The following PALM2AKAP2 variants were observed in gnomAD, a reference collection of about 807,000 sequenced individuals.
PALM2AKAP2 encodes PALM2-AKAP2 fusion protein.
A neutral mutation model predicts 71.5 loss-of-function variants in PALM2AKAP2; 37 were observed. The ratio of observed to expected loss-of-function variants is 0.52; its 90% CI spans 0.40 to 0.68. The LOEUF is 0.68. PALM2AKAP2 is among the 30% of genes least tolerant of loss of function. PALM2AKAP2 has a pLI of 0.00. For missense variants in PALM2AKAP2, 1,224 were observed against 1,191.8 expected (o/e 1.03, Z -0.40); for synonymous variants, 468 against 478.8 (o/e 0.98, Z 0.29).
chr9:109,930,767 C>A (rs73657309), intron 5 of PALM2AKAP2, among the ~76,000 whole-genome samples: 3 of 152,172 alleles, frequency 2.0e-5, no homozygotes, highest in South Asian at 4.2e-4. Flanking sequence ...ATGAGAAATG[C>A]GGAGGATTTT....
At chr9:109,819,711 G>GTA (rs1444272972) in intron 1 of PALM2AKAP2, among the ~76,000 whole-genome samples, 18 of 149,358 alleles carry the variant, frequency 1.2e-4, no homozygotes, top group East Asian at 6.0e-4. Flanking sequence ...GTGTATGTGT[G>GTA]TGTGTGTGTG....
chr9:110,100,229 T>C (rs528053683), intron 1 of PALM2AKAP2, among the ~76,000 whole-genome samples: 1 of 152,082 alleles, frequency 6.6e-6, no homozygotes, highest in African/African-American at 2.4e-5. Context: ...TGGGTATTAT[T>C]GGGCTTAGGA....
intron 3 of PALM2AKAP2, among the ~76,000 whole-genome samples, chr9:109,920,131 A>G (rs1830792856): frequency 6.6e-6 from 1 of 152,172 alleles, no homozygotes; most frequent in African/African-American, 2.4e-5. Context: ...GTGCAAGAGG[A>G]CAAGCTCAAC....
intron 1 of PALM2AKAP2, among the ~76,000 whole-genome samples, chr9:110,095,610 G>A (rs1018099626): frequency 6.6e-6 from 1 of 152,102 alleles, no homozygotes; most frequent in Admixed American, 6.5e-5. Flanking sequence ...CATAAGAATT[G>A]CCTTTTTGTT....
chr9:109,741,078 A>T (rs1159632086), intron 1 of PALM2AKAP2, among the ~76,000 whole-genome samples: 3 of 152,212 alleles, frequency 2.0e-5, no homozygotes. Flanking sequence ...CTATCATGCA[A>T]ACCTAGACAT....
At chr9:109,963,637 T>C (rs1831890609) in intron 6 of PALM2AKAP2, among the ~76,000 whole-genome samples, 1 of 152,174 alleles carries the variant, frequency 6.6e-6, no homozygotes, top group Non-Finnish European at 1.5e-5. Flanking sequence ...CTAGTCACAC[T>C]CTTTTCTAAG....
At chr9:109,978,735 G>A (rs1832213266) in intron 6 of PALM2AKAP2, among the ~76,000 whole-genome samples, 2 of 152,140 alleles carry the variant, frequency 1.3e-5, no homozygotes, top group African/African-American at 2.4e-5. Context: ...TTATGTCATT[G>A]CCTTTGATTT....
intron 1 of PALM2AKAP2, among the ~76,000 whole-genome samples, chr9:109,694,251 T>C (rs1304725911): frequency 6.6e-6 from 1 of 152,040 alleles, no homozygotes; most frequent in Non-Finnish European, 1.5e-5. Context: ...CCCTCTTTGG[T>C]TAGAATAAAA....
intron 1 of PALM2AKAP2, among the ~76,000 whole-genome samples, chr9:110,062,878 G>A (rs1161331738): frequency 6.6e-6 from 1 of 152,148 alleles, no homozygotes; most frequent in Non-Finnish European, 1.5e-5. Flanking sequence ...TAAATAAGAT[G>A]GCTACAAGAT....
intron 1 of PALM2AKAP2, among the ~76,000 whole-genome samples, chr9:109,773,561 C>T (rs12347229): frequency 0.2 from 31,088 of 152,108 alleles, 5,482 homozygotes; most frequent in African/African-American, 0.47. Context: ...AGCACTTTCT[C>T]ATTCACGAAC....
chr9:110,005,146 T>C (rs906536664), intron 6 of PALM2AKAP2, among the ~76,000 whole-genome samples: 17 of 152,154 alleles, frequency 1.1e-4, no homozygotes, highest in Non-Finnish European at 2.2e-4. Context: ...TTTTTCCCCA[T>C]CTTTGTGGTT....
At chr9:110,100,079 A>ATATATATG (rs897991382) in intron 1 of PALM2AKAP2, among the ~76,000 whole-genome samples, 38 of 145,792 alleles carry the variant, frequency 2.6e-4, no homozygotes, top group African/African-American at 8.5e-4. Context: ...ATATATATAT[A>ATATATATG]TAGAAACATA....
intron 1 of PALM2AKAP2, among the ~76,000 whole-genome samples, chr9:109,665,747 A>G (rs10816850): frequency 0.11 from 17,274 of 152,262 alleles, 1,267 homozygotes; most frequent in Non-Finnish European, 0.16. Context: ...GGACGTTTAA[A>G]TCTGCAGAAG....
chr9:109,776,364 C>T (rs1439896229), upstream of PALM2AKAP2, among the ~76,000 whole-genome samples: 2 of 152,168 alleles, frequency 1.3e-5, no homozygotes, highest in Non-Finnish European at 2.9e-5. Flanking sequence ...TTCTTGGTCC[C>T]AAGCAACAGA....
intron 1 of PALM2AKAP2, among the ~76,000 whole-genome samples, chr9:110,083,127 G>A (rs2118714832): frequency 6.6e-6 from 1 of 152,226 alleles, no homozygotes; most frequent in Non-Finnish European, 1.5e-5. Flanking sequence ...GGCAACAAGA[G>A]TGAAACTTGG....
intron 1 of PALM2AKAP2, among the ~76,000 whole-genome samples, chr9:110,049,279 G>C (rs1292775833): frequency 6.6e-6 from 1 of 152,300 alleles, no homozygotes; most frequent in Non-Finnish European, 1.5e-5. Context: ...GTTCCTTCTA[G>C]CTCGCGAGGA....
At chr9:110,156,180 A>C (rs1268812091) in intron 2 of PALM2AKAP2, 139 bp from the exon 9 acceptor site, 1 of 1,236,042 alleles carries the variant, frequency 8.1e-7, no homozygotes, top group East Asian at 2.6e-5. Context: ...GTAATATAAT[A>C]AAATGGCCTA....
chr9:109,955,039 C>T (rs1186454304), intron 6 of PALM2AKAP2, among the ~76,000 whole-genome samples: 2 of 152,116 alleles, frequency 1.3e-5, no homozygotes, highest in Admixed American at 6.5e-5. Context: ...ATTATTCTTA[C>T]TCTTGGCCCA....
chr9:109,926,515 T>C (rs1830959782), intron 5 of PALM2AKAP2, among the ~76,000 whole-genome samples: 1 of 152,060 alleles, frequency 6.6e-6, no homozygotes, highest in Non-Finnish European at 1.5e-5. Flanking sequence ...GGAAGTGGCC[T>C]TGGGGAATTG....
Sources: allele counts gnomAD v4.1 joint callset (sites outside exome capture counted in the v4.1 genomes callset), GRCh38; gene constraint gnomAD v4.1.1; transcripts MANE v1.5; gene names NCBI Gene and HGNC (gene_info 2026-07-23, HGNC 2026-07-21).